ARB2A: variants seen among roughly 807,000 people sequenced by gnomAD.
ARB2A encodes the protein ARB2 cotranscriptional regulator A.
the ARB2A span, among the ~76,000 whole-genome samples, chr5:94,012,913 G>A: frequency 3.9e-5 from 6 of 152,278 alleles, no homozygotes; most frequent in South Asian, 1.0e-3. Flanking sequence ...AAAGGGCTAC[G>A]GGGTAGATGT....
chr5:93,830,419 A>C, the ARB2A span, among the ~76,000 whole-genome samples: 2 of 148,550 alleles, frequency 1.3e-5, no homozygotes, highest in Non-Finnish European at 3.0e-5. Context: ...GAAGAATGAT[A>C]AGTATGCCAT....
At chr5:94,105,550 T>C in the ARB2A span, among the ~76,000 whole-genome samples, 1 of 152,048 alleles carries the variant, frequency 6.6e-6, no homozygotes, top group Non-Finnish European at 1.5e-5. Flanking sequence ...TAAATGGCCA[T>C]GCTGCTCAAA....
chr5:93,881,893 T>C, the ARB2A span, among the ~76,000 whole-genome samples: 1 of 151,328 alleles, frequency 6.6e-6, no homozygotes, highest in East Asian at 1.9e-4. Context: ...TAAATAAGCT[T>C]TTATTATTTA....
the ARB2A span, chr5:93,863,640 A>T: frequency 6.6e-5 from 10 of 152,008 alleles, no homozygotes; most frequent in Non-Finnish European, 1.0e-4. Flanking sequence ...GAAGATTCAC[A>T]TTAAGGCTTT....
the ARB2A span, among the ~76,000 whole-genome samples, chr5:93,911,674 T>C: frequency 2.0e-5 from 3 of 147,870 alleles, no homozygotes; most frequent in Non-Finnish European, 4.5e-5. Flanking sequence ...ACACATTTCA[T>C]AGAAATCACA....
the ARB2A span, among the ~76,000 whole-genome samples, chr5:93,727,781 T>G: frequency 6.6e-6 from 1 of 152,088 alleles, no homozygotes; most frequent in African/African-American, 2.4e-5. Flanking sequence ...AATAGATTTT[T>G]GGCCTATCTG....
the ARB2A span, among the ~76,000 whole-genome samples, chr5:93,726,139 C>T: frequency 2.0e-5 from 3 of 152,070 alleles, no homozygotes; most frequent in African/African-American, 7.2e-5. Flanking sequence ...CAATATCCTA[C>T]ACTTTCTCTT....
the ARB2A span, among the ~76,000 whole-genome samples, chr5:93,997,998 T>TACACAC: frequency 6.7e-6 from 1 of 149,898 alleles, no homozygotes; most frequent in African/African-American, 2.4e-5. Context: ...TGTGTGTCTA[T>TACACAC]ACACACACAC....
At chr5:93,700,075 A>C in the ARB2A span, among the ~76,000 whole-genome samples, 1 of 152,286 alleles carries the variant, frequency 6.6e-6, no homozygotes, top group African/African-American at 2.4e-5. Context: ...GAATAATTGT[A>C]TATTTATATA....
At chr5:93,907,939 C>A in the ARB2A span, among the ~76,000 whole-genome samples, 280 of 151,262 alleles carry the variant, frequency 1.9e-3, 3 homozygotes, top group African/African-American at 6.6e-3. Context: ...ATTGAAAATA[C>A]TTTTTGAGAA....
At chr5:94,034,383 T>C in the ARB2A span, among the ~76,000 whole-genome samples, 1 of 152,154 alleles carries the variant, frequency 6.6e-6, no homozygotes, top group Non-Finnish European at 1.5e-5. Context: ...TTTCTAATTC[T>C]ATCATATTCA....
At chr5:93,815,385 A>G in the ARB2A span, among the ~76,000 whole-genome samples, 3 of 152,206 alleles carry the variant, frequency 2.0e-5, no homozygotes, top group African/African-American at 7.2e-5. Flanking sequence ...ACATTTGGCC[A>G]TAAGAGAAGG....
At chr5:93,885,784 T>C in the ARB2A span, among the ~76,000 whole-genome samples, 833 of 151,812 alleles carry the variant, frequency 5.5e-3, 6 homozygotes, top group African/African-American at 0.019. Context: ...CAGAAACCCT[T>C]AAAAGTTCAT....
the ARB2A span, among the ~76,000 whole-genome samples, chr5:94,022,694 A>C: frequency 5.3e-5 from 8 of 152,270 alleles, no homozygotes; most frequent in African/African-American, 1.9e-4. Flanking sequence ...GAGAGAACTC[A>C]TGAAGTTGAC....
chr5:93,722,328 T>C, the ARB2A span, among the ~76,000 whole-genome samples: 1 of 152,136 alleles, frequency 6.6e-6, no homozygotes, highest in Non-Finnish European at 1.5e-5. Flanking sequence ...GGTTTGATCC[T>C]TCTCATCTTA....
chr5:93,748,827 A>C, the ARB2A span, among the ~76,000 whole-genome samples: 1 of 152,128 alleles, frequency 6.6e-6, no homozygotes, highest in Non-Finnish European at 1.5e-5. Flanking sequence ...CTGAGAATTA[A>C]AGTGCTTTAT....
At chr5:93,681,720 C>G in the ARB2A span, among the ~76,000 whole-genome samples, 1 of 152,170 alleles carries the variant, frequency 6.6e-6, no homozygotes, top group Non-Finnish European at 1.5e-5. Flanking sequence ...AGGCCAGGCA[C>G]AAGCCTCGCA....
At chr5:94,090,065 T>C in the ARB2A span, among the ~76,000 whole-genome samples, 1 of 152,282 alleles carries the variant, frequency 6.6e-6, no homozygotes, top group Admixed American at 6.5e-5. Flanking sequence ...GGAATAAATA[T>C]TCATCTGACA....
At chr5:93,793,218 G>A in the ARB2A span, among the ~76,000 whole-genome samples, 109 of 138,544 alleles carry the variant, frequency 7.9e-4, no homozygotes, top group East Asian at 1.8e-3. Context: ...AACTACAGGC[G>A]TACACCAACA....
Sources: allele counts gnomAD v4.1 joint callset (sites outside exome capture counted in the v4.1 genomes callset), GRCh38; gene constraint gnomAD v4.1.1; transcripts MANE v1.5; gene names NCBI Gene and HGNC (gene_info 2026-07-23, HGNC 2026-07-21).